The following FRMD6 variants were observed in gnomAD, a reference collection of about 807,000 sequenced individuals.
The protein encoded by FRMD6 is FERM domain containing 6, also known as FERM domain-containing protein 6.
In FRMD6, 37 loss-of-function variants were observed where a neutral mutation model predicts 73.2. The ratio of observed to expected loss-of-function variants is 0.51; its 90% confidence interval spans 0.39 to 0.66. The LOEUF is 0.66. Ranked by LOEUF, FRMD6 falls within the 30% of genes least tolerant of loss-of-function variation. The probability of loss-of-function intolerance (pLI) is 0.00; values close to 1 mark genes in which losing one functional copy is unlikely to be tolerated. For missense variants in FRMD6, 714 were observed against 780.5 expected (o/e 0.91, Z 1.02); for synonymous variants, 273 against 282.2 (o/e 0.97, Z 0.33).
chr14:51,540,234 T>A (rs1010363040), intron 1 of FRMD6, among the ~76,000 whole-genome samples: 1 of 152,130 alleles, frequency 6.6e-6, no homozygotes, highest in African/African-American at 2.4e-5. Context: ...GGGCTGCCAC[T>A]TGTTGGTGTG....
At position 51,654,378 on chromosome 14, in the gene FRMD6, C is replaced by T. The variant is rs566587677; in HGVS notation, c.-147+2382C>T. Among the ~76,000 whole-genome samples, 29 of 149,260 alleles carry T rather than the reference C, an allele frequency of 1.9e-4. No homozygotes were observed. The South Asian group carries it at 5.7e-3, about 30-fold the overall frequency. On this transcript the variant is annotated intron_variant, in intron 1 of 13. Transcript: ENST00000344768. ...CTATACTTATAAAGCTTTTGGCTTT[C>T]TGAACTTATGATGTAATAGACTGCG... is the stretch of plus-strand genomic sequence containing the variant.
rs538695424 is a variant in FRMD6, at chr14:51,682,095, T to C, written c.-146-7596T>C. 4.6e-5 allele frequency among the ~76,000 whole-genome samples: 7 copies of C among 152,310 alleles called. No homozygotes were observed. The East Asian group carries it at 7.7e-4, about 17-fold the overall frequency. On this transcript the variant is annotated intron_variant, in intron 1 of 13. Coordinates refer to ENST00000344768, the MANE Select transcript of FRMD6 (RefSeq NM_001267046.2). Reference sequence around the variant, plus strand: ...TACTGTTATTAATTGCCCAATATGCTTTGTTTGCCTTAAATGAATTTTGCA... The same window carrying C: ...TACTGTTATTAATTGCCCAATATGCCTTGTTTGCCTTAAATGAATTTTGCA...
rs868409517 is a variant in FRMD6 at position 51,539,108 on chromosome 14, C to G, written c.-209-31240C>G. ...TCCTGCTTCCACTTTGCACTACTCTCCTCATTTCTGAATTCCACCGTTTTT... is the reference window on the plus strand; with the variant it reads ...TCCTGCTTCCACTTTGCACTACTCTGCTCATTTCTGAATTCCACCGTTTTT... On this transcript the variant is annotated intron_variant, in intron 1 of 14. Coordinates refer to the FRMD6 transcript ENST00000356218. Among the ~76,000 whole-genome samples, 5 of 152,160 alleles carry G rather than the reference C, an allele frequency of 3.3e-5. 1 individual carries two copies. In the Middle Eastern group the frequency reaches 0.014, roughly 417 times the overall value.
chr14:51,623,256 C>A (rs1890996814), intron 2 of FRMD6, among the ~76,000 whole-genome samples: 1 of 152,144 alleles, frequency 6.6e-6, no homozygotes, highest in African/African-American at 2.4e-5. Flanking sequence ...AATTCTTGAT[C>A]ATATGTTAAG....
At chr14:51,620,941 G>C (rs965050755) in intron 2 of FRMD6, among the ~76,000 whole-genome samples, 4 of 152,204 alleles carry the variant, frequency 2.6e-5, no homozygotes, top group Non-Finnish European at 5.9e-5. Flanking sequence ...TCTCAAGTAG[G>C]AAGTAGTAAA....
chr14:51,428,696 G>A, the FRMD6 span, among the ~76,000 whole-genome samples: 1 of 152,108 alleles, frequency 6.6e-6, no homozygotes, highest in Non-Finnish European at 1.5e-5. Flanking sequence ...GCAGATTAAA[G>A]ATGGCTACAA....
intron 1 of FRMD6, among the ~76,000 whole-genome samples, chr14:51,493,862 A>C (rs1391006146): frequency 6.6e-6 from 1 of 152,172 alleles, no homozygotes; most frequent in Non-Finnish European, 1.5e-5. Context: ...ATAAATTTGC[A>C]TGGCTTATGA....
At chr14:51,539,616 G>C (rs1254648328) in intron 1 of FRMD6, among the ~76,000 whole-genome samples, 1 of 152,104 alleles carries the variant, frequency 6.6e-6, no homozygotes, top group Non-Finnish European at 1.5e-5. Context: ...GCTTCCTTCT[G>C]GGCAATTACA....
chr14:51,621,889 A>T (rs992953385), intron 2 of FRMD6, among the ~76,000 whole-genome samples: 2 of 152,246 alleles, frequency 1.3e-5, no homozygotes, highest in African/African-American at 4.8e-5. Flanking sequence ...GTGTGGTCAC[A>T]GAGGGGACCA....
At position 51,698,191 on chromosome 14, in the gene FRMD6, G is replaced by C; in HGVS notation, c.149G>C (p.Arg50Thr). The C allele has an allele frequency of 6.2e-7, 1 of 1,612,610 alleles. No individual in the cohort carries two copies. Among genetic ancestry groups the C allele is most frequent in the Non-Finnish European group, 8.5e-7 (1 of 1,179,034 alleles). Residue 50 changes from arginine (R) to threonine (T), a missense_variant, in exon 3 of 14, where the codon AGG (arginine) becomes ACG (threonine). Physicochemically the swap from Arg to Thr is moderately conservative, Grantham distance 71. Transcript: ENST00000344768. The part of the protein sequence containing the change: ...QLLVQVCDLL[R>T]LKDCHLFGLS... ...CTGGTCCAGGTTTGTGACCTGCTCA[G>C]GCTAAAGGACTGCCACCTCTTTGGA...
chr14:51,496,093 C>T (rs1472789403), intron 1 of FRMD6, among the ~76,000 whole-genome samples: 1 of 152,152 alleles, frequency 6.6e-6, no homozygotes. Context: ...TCATTCCTCT[C>T]TCACACTCTT....
intron 1 of FRMD6, among the ~76,000 whole-genome samples, chr14:51,520,378 G>C (rs1473939956): frequency 6.6e-6 from 1 of 152,152 alleles, no homozygotes; most frequent in Non-Finnish European, 1.5e-5. Context: ...GGAAGAGAAA[G>C]GAAGTTTCTT....
chr14:51,529,424 T>C (rs754728986), intron 1 of FRMD6, among the ~76,000 whole-genome samples: 4 of 152,250 alleles, frequency 2.6e-5, no homozygotes, highest in Non-Finnish European at 5.9e-5. Flanking sequence ...ACTACAGAAG[T>C]GTTTGCTAAT....
upstream of FRMD6, among the ~76,000 whole-genome samples, chr14:51,486,761 C>T: frequency 6.6e-6 from 1 of 152,082 alleles, no homozygotes; most frequent in Non-Finnish European, 1.5e-5. Flanking sequence ...TGGAAGATGC[C>T]AGTCATTCTC....
At chr14:51,431,135 A>G in the FRMD6 span, among the ~76,000 whole-genome samples, 1 of 152,206 alleles carries the variant, frequency 6.6e-6, no homozygotes, top group Non-Finnish European at 1.5e-5. Flanking sequence ...GAGCCATCAT[A>G]CCTGTGGATG....
At chr14:51,503,034 G>A (rs2140220200) in intron 1 of FRMD6, among the ~76,000 whole-genome samples, 1 of 152,220 alleles carries the variant, frequency 6.6e-6, no homozygotes, top group East Asian at 1.9e-4. Flanking sequence ...AGTGATTTTT[G>A]CACATTGATT....
At chr14:51,709,972 T>A (rs1411462776) in intron 7 of FRMD6, among the ~76,000 whole-genome samples, 1 of 152,112 alleles carries the variant, frequency 6.6e-6, no homozygotes, top group Non-Finnish European at 1.5e-5. Flanking sequence ...TCTGAAATAA[T>A]GAGGTGGAAT....
chr14:51,640,046 G>C (rs996342872), intron 2 of FRMD6, among the ~76,000 whole-genome samples: 1 of 152,150 alleles, frequency 6.6e-6, no homozygotes, highest in African/African-American at 2.4e-5. Flanking sequence ...AGACTGGTAG[G>C]TTCCAGTGCT....
chr14:51,479,887 A>G, the FRMD6 span, among the ~76,000 whole-genome samples: 1 of 152,170 alleles, frequency 6.6e-6, no homozygotes, highest in East Asian at 1.9e-4. Flanking sequence ...GCTCACAGTG[A>G]CTCAGTGACT....
Sources: allele counts gnomAD v4.1 joint callset (sites outside exome capture counted in the v4.1 genomes callset), GRCh38; gene constraint gnomAD v4.1.1; transcripts MANE v1.5; gene names NCBI Gene and HGNC (gene_info 2026-07-23, HGNC 2026-07-21).